The following USB1 variants were observed in gnomAD, a reference collection of about 807,000 sequenced individuals.
USB1 encodes U6 snRNA phosphodiesterase 1.
A neutral mutation model predicts 29.9 loss-of-function variants in USB1; 21 were observed. The ratio of observed to expected loss-of-function variants is 0.70; its 90% CI spans 0.50 to 1.01. The LOEUF (loss-of-function observed/expected upper bound fraction) is 1.01. USB1 is among the 50% of genes least tolerant of loss of function. USB1 has a pLI of 0.00. For missense variants in USB1, 330 were observed against 347.1 expected (o/e 0.95, Z 0.39); for synonymous variants, 143 against 134.9 (o/e 1.06, Z -0.42).
chr16:58,002,768 G>A (rs1963259554), intron 2 of USB1, 123 bp downstream of exon 2: 2 of 1,366,024 alleles, frequency 1.5e-6, no homozygotes, highest in Admixed American at 2.0e-5. Flanking sequence ...TGGTGGGAAA[G>A]TCATTGACTT....
At chr16:58,001,665 G>A in intron 1 of USB1, 84 bp downstream of exon 1, 22 of 1,473,328 alleles carry the variant, frequency 1.5e-5, no homozygotes, top group Non-Finnish European at 2.0e-5. Flanking sequence ...GGTGGAGTGG[G>A]GAGGGAGGAT....
intron 4 of USB1, among the ~76,000 whole-genome samples, 177 bp downstream of exon 4, chr16:58,014,503 C>G (rs1177423114): frequency 1.1e-4 from 17 of 152,336 alleles, no homozygotes; most frequent in African/African-American, 3.8e-4. Flanking sequence ...CTGGGAGATC[C>G]CAGGCACAGT....
intron 5 of USB1, among the ~76,000 whole-genome samples, chr16:58,017,897 A>G (rs1440964044): frequency 7.2e-5 from 11 of 152,130 alleles, no homozygotes; most frequent in Admixed American, 6.5e-5. Context: ...ATGTTTTTAA[A>G]CCGTGCTGAG....
intron 4 of USB1, chr16:58,016,331 A>C (rs1359400767): frequency 1.3e-5 from 2 of 152,222 alleles, no homozygotes; most frequent in Non-Finnish European, 2.9e-5. Flanking sequence ...TGGGATGAAA[A>C]GCAAAAGTGC....
chr16:58,007,368 T>TTTTGTTTGTTTGTTTG (rs149858196), intron 2 of USB1, among the ~76,000 whole-genome samples: 3 of 151,916 alleles, frequency 2.0e-5, no homozygotes, highest in Non-Finnish European at 2.9e-5. Context: ...GGAAGGTAAT[T>TTTTGTTTGTTTGTTTG]TTTGTTTGTT....
Position 58,002,588 on chromosome 16 carries a change from C to G in USB1, c.208C>G (p.Arg70Gly). The G allele has an allele frequency of 1.2e-6, 2 of 1,613,996 alleles. No individual in the cohort carries two copies. The highest frequency in any genetic ancestry group is 1.7e-6 in the Non-Finnish European group (2 of 1,180,010). The change falls in exon 2 of 7, where the codon CGG becomes GGG. Residue 70 changes from arginine to glycine, a missense_variant. By Grantham distance (125) the Arg-to-Gly change is moderately radical. Coordinates refer to ENST00000219281, the MANE Select transcript of USB1 (RefSeq NM_024598.4). ...PEDDSTKHGG[R>G]VRTFPHERGN... ...AGATGACAGCACAAAACACGGGGGA[C>G]GGGTGCGCACCTTCCCCCACGAGCG...
intron 2 of USB1, among the ~76,000 whole-genome samples, chr16:58,004,793 G>A (rs201563813): frequency 2.6e-5 from 4 of 152,144 alleles, no homozygotes; most frequent in African/African-American, 4.8e-5. Context: ...CCCTGTGTGC[G>A]GAGACGAGAG....
rs149725439 is a variant in USB1 at position 58,017,342 on chromosome 16, T to C, written c.512T>C (p.Ile171Thr). Residue 171 changes from isoleucine (I) to threonine (T), a missense_variant, in exon 5 of 7, where the codon ATT becomes ACT. Physicochemically the swap from Ile to Thr is moderately conservative, Grantham distance 89. Transcript: ENST00000219281. The part of the protein sequence containing the change: ...YTNQEKTRTF[I>T]GLEVTSGHAQ... Reference sequence around the variant, plus strand: ...TGTCTTCCTCTCCCCAGGACCTTTATTGGGCTTGAGGTCACTTCAGGGCAT... The same window carrying C: ...TGTCTTCCTCTCCCCAGGACCTTTACTGGGCTTGAGGTCACTTCAGGGCAT... The C allele has an allele frequency of 3.9e-4, 628 of 1,614,142 alleles. 6 individuals carry two copies. In the South Asian group the frequency reaches 4.6e-3, roughly 12 times the overall value.
At chr16:58,016,953 T>TC in intron 4 of USB1, 3 of 318,000 alleles carry the variant, frequency 9.4e-6, no homozygotes, top group Admixed American at 4.5e-5. Flanking sequence ...GCGTGGCAGA[T>TC]GCCTGGGAGC....
At chr16:58,019,140 C>T (rs1963685431) in intron 6 of USB1, 85 bp downstream of exon 6, 2 of 1,359,858 alleles carry the variant, frequency 1.5e-6, no homozygotes, top group Non-Finnish European at 2.1e-6. Flanking sequence ...ATGAGGCACC[C>T]AAACCTGAAT....
In USB1 at chr16:58,001,469, C is replaced by G; in HGVS notation, c.-15C>G. On this transcript the variant is annotated 5_prime_UTR_variant, in exon 1 of 7. Coordinates refer to ENST00000219281, the MANE Select transcript of USB1 (RefSeq NM_024598.4). ...TTGCTGGTGGACCTGCTCTGGTGGT[C>G]TTGGATGAGGCCCCATGAGCGCGGC... 1.3e-6 allele frequency: 2 copies of G among 1,590,216 alleles called. No homozygotes were observed. The highest frequency in any genetic ancestry group is 2.3e-5 in the South Asian group (2 of 87,518).
At chr16:58,010,141 C>G in intron 3 of USB1, 29 bp downstream of exon 3, 1 of 1,613,212 alleles carries the variant, frequency 6.2e-7, no homozygotes, top group Non-Finnish European at 8.5e-7. Context: ...TGCCTCTCCA[C>G]TCCCTCCCCT....
chr16:58,014,908 C>T (rs1215168880), intron 4 of USB1, among the ~76,000 whole-genome samples: 1 of 152,040 alleles, frequency 6.6e-6, no homozygotes, highest in Non-Finnish European at 1.5e-5. Context: ...GAAACCCCAT[C>T]TCCACTAAAA....
chr16:58,011,593 G>GTC (rs1963498325), intron 3 of USB1: 1 of 990,406 alleles, frequency 1.0e-6, no homozygotes, highest in Admixed American at 5.7e-5. Context: ...AGATCAGTCG[G>GTC]TCCTGTGGTT....
intron 2 of USB1, among the ~76,000 whole-genome samples, chr16:58,007,855 T>C (rs1597047226): frequency 6.6e-6 from 1 of 151,826 alleles, no homozygotes; most frequent in African/African-American, 2.4e-5. Context: ...TGGTGGCGGG[T>C]GCCTGTAATC....
At chr16:58,011,721 C>G in intron 3 of USB1, 7 of 987,720 alleles carry the variant, frequency 7.1e-6, no homozygotes, top group Non-Finnish European at 8.4e-6. Context: ...GGTCATTTCA[C>G]TCACCCTCAT....
At position 58,001,582 on chromosome 16, in the gene USB1, G is replaced by A; in HGVS notation, c.98+1G>A. ...GGCCGGGGGATGGGAGCCACCGTCG[G>A]TGAGGAGTGAGGAAGTCTCTCCGGA... On this transcript the variant is annotated splice_donor_variant, in intron 1 of 6. Transcript: ENST00000219281. LOFTEE classifies it high-confidence loss of function. The A allele has an allele frequency of 6.2e-7, 1 of 1,602,802 alleles. No homozygotes were observed. Among genetic ancestry groups the A allele is most frequent in the East Asian group, 2.3e-5 (1 of 44,384 alleles).
At position 58,020,434 on chromosome 16, in the gene USB1, CTTCT is replaced by C. The variant is rs372237467; in HGVS notation, c.*194_*197del. ...ATTCTCTCTCTCTCTTTCTCTTCCT[CTTCT>C]TTCTCTCTCTTCTCCTCTCTTTCTC... is the stretch of plus-strand genomic sequence containing the variant. On this transcript the variant is annotated 3_prime_UTR_variant, in exon 7 of 7. Transcript: ENST00000219281. 1.2e-4 allele frequency: 76 copies of C among 638,798 alleles called. No homozygotes were observed. Among genetic ancestry groups the C allele is most frequent in the Middle Eastern group, 1.1e-3 (4 of 3,562 alleles). The allele number at this position is 638,798 out of a possible 1,614,324, so 39.6% of individuals were successfully genotyped here.
chr16:58,014,035 A>G, intron 3 of USB1: 2 of 525,228 alleles, frequency 3.8e-6, no homozygotes, highest in Non-Finnish European at 6.8e-6. Context: ...TGCTATTAAC[A>G]AAGTAAAATT....
Sources: allele counts gnomAD v4.1 joint callset (sites outside exome capture counted in the v4.1 genomes callset), GRCh38; gene constraint gnomAD v4.1.1; transcripts MANE v1.5; gene names NCBI Gene and HGNC (gene_info 2026-07-23, HGNC 2026-07-21).